Variants in APBA1 observed in about 807,000 individuals in gnomAD.
APBA1 encodes the protein amyloid beta precursor protein binding family A member 1.
A neutral mutation model predicts 86.6 loss-of-function variants in APBA1; 55 were observed. That is an observed-to-expected ratio of 0.64 (90% confidence interval 0.51 to 0.80). The LOEUF (loss-of-function observed/expected upper bound fraction) is 0.80, where lower values mean the gene tolerates loss of function less well. Among genes scored for constraint, APBA1 ranks in the 30% least tolerant of loss-of-function variants. The probability of loss-of-function intolerance (pLI) is 0.00; values close to 1 mark genes in which losing one functional copy is unlikely to be tolerated. For synonymous variants in APBA1, 511 were observed against 493.9 expected (o/e 1.03, Z -0.46); for missense variants, 1,090 against 1,183.0 (o/e 0.92, Z 1.15).
chr9:69,631,378 A>G (rs1198567004), intron 1 of APBA1, among the ~76,000 whole-genome samples: 1 of 152,228 alleles, frequency 6.6e-6, no homozygotes, highest in Non-Finnish European at 1.5e-5. Context: ...ACCAGTTAGA[A>G]TGGCAATCAT....
chr9:69,447,105 G>C (rs1303421477), intron 10 of APBA1, among the ~76,000 whole-genome samples: 1 of 152,140 alleles, frequency 6.6e-6, no homozygotes, highest in Admixed American at 6.5e-5. Flanking sequence ...TACCAAAAGA[G>C]AGCTTGCTGG....
intron 1 of APBA1, among the ~76,000 whole-genome samples, chr9:69,562,193 T>A (rs1322115597): frequency 6.6e-6 from 1 of 152,142 alleles, no homozygotes; most frequent in Admixed American, 6.5e-5. Context: ...TTACACAGTA[T>A]CCCACAAACA....
At chr9:69,456,694 T>TAA in intron 7 of APBA1, among the ~76,000 whole-genome samples, 1 of 146,150 alleles carries the variant, frequency 6.8e-6, no homozygotes, top group Non-Finnish European at 1.5e-5. Flanking sequence ...TGGAGAAGTT[T>TAA]AAAAAAAAAA....
intron 2 of APBA1, among the ~76,000 whole-genome samples, chr9:69,509,035 C>G (rs1248501466): frequency 7.0e-6 from 1 of 142,926 alleles, no homozygotes; most frequent in African/African-American, 2.6e-5. Flanking sequence ...CAAACACATT[C>G]AAAAGCTAGC....
At position 69,606,479 on chromosome 9, in the gene APBA1, C is replaced by CTTTTTT; in HGVS notation, c.-70+65668_-70+65673dup. Among the ~76,000 whole-genome samples the CTTTTTT allele has an allele frequency of 5.1e-4, 26 of 50,896 alleles. 5 individuals carry two copies. The highest frequency in any genetic ancestry group is 3.1e-3 in the East Asian group (4 of 1,278). 33.4% of individuals were successfully genotyped at this position (50,896 alleles called of 152,430 possible). ...TTGACACAGTGAGTGAGGGAGCTAG[C>CTTTTTT]TTTTTTTTTTTTTTTTTTTTTTTTT... On this transcript the variant is annotated intron_variant, in intron 1 of 12. Transcript: ENST00000265381.
chr9:69,432,623 C>A lies in APBA1; in HGVS notation c.2355G>T (p.Gly785=), dbSNP rs775409985. The A allele has an allele frequency of 1.9e-6, 3 of 1,605,606 alleles. No individual in the cohort carries two copies. Among genetic ancestry groups the A allele is most frequent in the Non-Finnish European group, 2.5e-6 (3 of 1,176,634 alleles). ...GIAERGGVRV[G]HRIIEINGQS... is the part of the protein sequence containing the mutation. ...GTCCATTGATTTCAATGATCCGGTG[C>A]CCCACACGGACGCCTCCTCTCTCAG... is the stretch of plus-strand genomic sequence containing the variant. Residue 785 remains glycine, a synonymous_variant, in exon 12 of 13, where the codon GGG becomes GGT. Transcript: ENST00000265381.
chr9:69,528,307 G>A lies in APBA1; in HGVS notation c.-69-11028C>T, dbSNP rs554822660. Among the ~76,000 whole-genome samples, 208 of 152,204 alleles carry A rather than the reference G, an allele frequency of 1.4e-3. 1 individual carries two copies. The highest frequency in any genetic ancestry group is 1.9e-3 in the Non-Finnish European group (129 of 67,976). On this transcript the variant is annotated intron_variant, in intron 1 of 12. Transcript: ENST00000265381. ...TCAGTAGTGCCAACCACAAAGCTCT[G>A]ATCACAGCCCAGCCTTTGATTAAAG...
intron 2 of APBA1, among the ~76,000 whole-genome samples, chr9:69,496,108 C>T (rs1313654005): frequency 6.6e-6 from 1 of 152,066 alleles, no homozygotes; most frequent in Non-Finnish European, 1.5e-5. Context: ...TCAAGACAAA[C>T]ATGGCAGAAC....
At chr9:69,448,786 G>A (rs1043792695) in intron 10 of APBA1, among the ~76,000 whole-genome samples, 9 of 152,134 alleles carry the variant, frequency 5.9e-5, no homozygotes, top group African/African-American at 1.2e-4. Flanking sequence ...CTACAGTACC[G>A]CAGCACTTGG....
upstream of APBA1, chr9:69,672,429 C>G (rs1387944294): frequency 3.3e-5 from 5 of 151,082 alleles, no homozygotes; most frequent in Admixed American, 2.6e-4. Flanking sequence ...GCTGGCCCCT[C>G]GTGACGCGCG....
chr9:69,615,088 T>C (rs1588394264), intron 1 of APBA1, among the ~76,000 whole-genome samples: 1 of 152,136 alleles, frequency 6.6e-6, no homozygotes, highest in Non-Finnish European at 1.5e-5. Context: ...TAGTCCCAGC[T>C]ACTCGGGAGG....
intron 1 of APBA1, among the ~76,000 whole-genome samples, chr9:69,537,057 G>GTA (rs910182693): frequency 2.4e-4 from 29 of 122,366 alleles, no homozygotes; most frequent in African/African-American, 3.8e-4. Flanking sequence ...ATATATATAT[G>GTA]TATATATATA....
intron 1 of APBA1, among the ~76,000 whole-genome samples, chr9:69,650,386 C>A (rs1465100626): frequency 6.6e-6 from 1 of 152,146 alleles, no homozygotes; most frequent in Non-Finnish European, 1.5e-5. Flanking sequence ...AGCATTCTGG[C>A]TAAAAGTGTT....
chr9:69,434,826 G>C (rs977744012), intron 11 of APBA1, among the ~76,000 whole-genome samples: 7 of 151,846 alleles, frequency 4.6e-5, no homozygotes, highest in Non-Finnish European at 1.0e-4. Context: ...TTAAGTTTTA[G>C]GGTACATGGG....
At chr9:69,612,482 T>C (rs539546714) in intron 1 of APBA1, among the ~76,000 whole-genome samples, 2 of 152,138 alleles carry the variant, frequency 1.3e-5, no homozygotes, top group South Asian at 4.1e-4. Context: ...GGATTGTTCT[T>C]GGATTCTCAA....
intron 1 of APBA1, among the ~76,000 whole-genome samples, chr9:69,662,630 G>A (rs1265189298): frequency 6.6e-6 from 1 of 152,176 alleles, no homozygotes; most frequent in Non-Finnish European, 1.5e-5. Flanking sequence ...GGAAGTGGGC[G>A]TAGAAACTAT....
At chr9:69,465,479 T>C (rs186536018) in intron 5 of APBA1, 22 of 152,324 alleles carry the variant, frequency 1.4e-4, no homozygotes, top group African/African-American at 4.6e-4. Flanking sequence ...TCTGAGAGGT[T>C]TGTGGGTTGT....
In APBA1 at chr9:69,431,502, C is replaced by A. The variant is rs935162624; in HGVS notation, c.2443-104G>T. The A allele has an allele frequency of 8.5e-5, 83 of 981,550 alleles. No individual in the cohort carries two copies. In the African/African-American group the frequency reaches 1.2e-3, roughly 14 times the overall value. The allele number at this position is 981,550 out of a possible 1,614,324, so 60.8% of individuals were successfully genotyped here. On this transcript the variant is annotated intron_variant, in intron 12 of 12. Coordinates refer to ENST00000265381, the MANE Select transcript of APBA1 (RefSeq NM_001163.4). ...GAGGCAGTGCCTCTCCCACAGAGGG[C>A]TTTGAAGATACTCCCTACCGCCCAG... is the stretch of plus-strand genomic sequence containing the variant.
At chr9:69,459,069 G>A (rs1218450058) in intron 5 of APBA1, among the ~76,000 whole-genome samples, 1 of 152,216 alleles carries the variant, frequency 6.6e-6, no homozygotes, top group African/African-American at 2.4e-5. Context: ...CTCCCAAAGT[G>A]CTGGGATTAC....
Sources: gnomAD v4.1 joint callset for allele counts (sites outside exome capture counted in the v4.1 genomes callset) on GRCh38, gnomAD v4.1.1 for gene constraint, MANE v1.5 for transcripts, NCBI Gene and HGNC (gene_info 2026-07-23, HGNC 2026-07-21) for gene names.